COMMD10: variants seen among roughly 807,000 people sequenced by gnomAD.
COMMD10 encodes the protein COMM domain-containing protein 10.
COMMD10 carries 33 observed loss-of-function variants against 28.9 expected under a neutral mutation model. The observed-to-expected ratio is 1.14, with a 90% confidence interval of 0.87 to 1.53. The LOEUF (loss-of-function observed/expected upper bound fraction) is 1.53. Among genes scored for constraint, COMMD10 ranks in the 40% most tolerant of loss-of-function variants. The pLI is 0.00. For synonymous variants in COMMD10, 110 were observed against 81.7 expected (o/e 1.35, Z -1.87); for missense variants, 310 against 233.4 (o/e 1.33, Z -2.14).
chr5:116,242,985 T>C (rs373714089), intron 5 of COMMD10, among the ~76,000 whole-genome samples: 8 of 152,234 alleles, frequency 5.3e-5, no homozygotes, highest in African/African-American at 1.7e-4. Flanking sequence ...TTTTCAATGC[T>C]AATTAAAATG....
At chr5:116,227,750 T>G (rs953287758) in intron 5 of COMMD10, among the ~76,000 whole-genome samples, 2 of 152,054 alleles carry the variant, frequency 1.3e-5, no homozygotes, top group Non-Finnish European at 2.9e-5. Flanking sequence ...GTTTCTCAGC[T>G]TAGAAGCAAG....
At chr5:116,198,376 T>A (rs2112620501) in intron 5 of COMMD10, among the ~76,000 whole-genome samples, 1 of 152,310 alleles carries the variant, frequency 6.6e-6, no homozygotes, top group South Asian at 2.1e-4. Flanking sequence ...ACTTTATTTT[T>A]CAGAGCAGTG....
At chr5:116,110,428 G>A (rs565057279) in intron 4 of COMMD10, among the ~76,000 whole-genome samples, 14 of 152,158 alleles carry the variant, frequency 9.2e-5, no homozygotes, top group Non-Finnish European at 1.8e-4. Flanking sequence ...TTTTGGAACA[G>A]TTTTACAAGA....
chr5:116,292,587 C>A lies in COMMD10; in HGVS notation c.*98C>A. Reference sequence around the variant, plus strand: ...TTGTGTTTTCTGAAGGATTCAGTGACTTGCTTTCTGTAAATTATATGGCTT... The same window carrying A: ...TTGTGTTTTCTGAAGGATTCAGTGAATTGCTTTCTGTAAATTATATGGCTT... On this transcript the variant is annotated 3_prime_UTR_variant, in exon 7 of 7. Coordinates refer to ENST00000274458, the MANE Select transcript of COMMD10 (RefSeq NM_016144.4). 1.0e-6 allele frequency: 1 copy of A among 978,408 alleles called. No homozygotes were observed. The highest frequency in any genetic ancestry group is 1.5e-6 in the Non-Finnish European group (1 of 654,236). 60.6% of individuals were successfully genotyped at this position (978,408 alleles called of 1,614,324 possible).
chr5:116,129,313 TTTTC>T (rs1220075419), intron 4 of COMMD10, among the ~76,000 whole-genome samples: 2 of 148,158 alleles, frequency 1.3e-5, no homozygotes, highest in Non-Finnish European at 3.0e-5. Context: ...GGGTTGTTAG[TTTTC>T]TTTGTCTTCT....
chr5:116,125,772 C>A (rs541873641), intron 4 of COMMD10, among the ~76,000 whole-genome samples: 1 of 151,950 alleles, frequency 6.6e-6, no homozygotes, highest in Non-Finnish European at 1.5e-5. Context: ...TTTCTCTAAA[C>A]TTCTCGCTTC....
chr5:116,088,307 A>T (rs982686722), intron 2 of COMMD10, among the ~76,000 whole-genome samples: 7 of 152,210 alleles, frequency 4.6e-5, no homozygotes, highest in African/African-American at 1.7e-4. Flanking sequence ...GTGTCTTTCA[A>T]ATCCAAGTTC....
At chr5:116,145,896 A>G (rs531951588) in intron 5 of COMMD10, among the ~76,000 whole-genome samples, 1 of 152,076 alleles carries the variant, frequency 6.6e-6, no homozygotes, top group African/African-American at 2.4e-5. Context: ...CTTCCCAGCC[A>G]TGCTGAACTA....
At position 116,276,035 on chromosome 5, in the gene COMMD10, G is replaced by T. The variant is rs190890879; in HGVS notation, c.511-15482G>T. On this transcript the variant is annotated intron_variant, in intron 5 of 6. Transcript: ENST00000274458. The stretch of plus-strand genomic sequence containing the variant: ...TGGAAGCCTTCATTGTAAAATGATC[G>T]TAAGTACTAACACAGGTATTCTTAC... Among the ~76,000 whole-genome samples the T allele has an allele frequency of 4.0e-5, 6 of 150,912 alleles. No homozygotes were observed. The South Asian group carries it at 1.0e-3, about 26-fold the overall frequency.
In COMMD10 at chr5:116,208,752, C is replaced by T. The variant is rs572498678; in HGVS notation, c.510+74574C>T. Among the ~76,000 whole-genome samples, 3 of 152,250 alleles carry T rather than the reference C, an allele frequency of 2.0e-5. No homozygotes were observed. In the East Asian group the frequency reaches 5.8e-4, roughly 29 times the overall value. On this transcript the variant is annotated intron_variant, in intron 5 of 6. Coordinates refer to ENST00000274458, the MANE Select transcript of COMMD10 (RefSeq NM_016144.4). ...AGCTTTCTCTGTGATTGAGAACAAA[C>T]AGGGAAGTCTGAACGGTTCCCTGTT...
chr5:116,211,519 G>C (rs1017712734), intron 5 of COMMD10, among the ~76,000 whole-genome samples: 1 of 151,996 alleles, frequency 6.6e-6, no homozygotes, highest in Non-Finnish European at 1.5e-5. Flanking sequence ...TTAATCTTAT[G>C]GGGCCACCAT....
intron 5 of COMMD10, among the ~76,000 whole-genome samples, chr5:116,159,067 T>G (rs550581184): frequency 7.9e-5 from 12 of 152,328 alleles, no homozygotes; most frequent in African/African-American, 2.9e-4. Context: ...GTCTCTCTGC[T>G]TCCACCTTTG....
chr5:116,202,941 T>G (rs1748708685), intron 5 of COMMD10, among the ~76,000 whole-genome samples: 2 of 152,122 alleles, frequency 1.3e-5, no homozygotes, highest in Admixed American at 1.3e-4. Flanking sequence ...TTTTGGTGTT[T>G]TAGACATGAA....
At chr5:116,165,616 G>C (rs1254797835) in intron 5 of COMMD10, among the ~76,000 whole-genome samples, 1 of 151,738 alleles carries the variant, frequency 6.6e-6, no homozygotes, top group Non-Finnish European at 1.5e-5. Context: ...GGGTGTATCT[G>C]TGTGTGTGTT....
chr5:116,205,572 G>A (rs1043998556), intron 5 of COMMD10, among the ~76,000 whole-genome samples: 4 of 152,022 alleles, frequency 2.6e-5, no homozygotes, highest in African/African-American at 7.2e-5. Flanking sequence ...ATACATGTGT[G>A]AATACATATA....
chr5:116,261,705 A>G (rs139871073), intron 5 of COMMD10, among the ~76,000 whole-genome samples: 106 of 151,716 alleles, frequency 7.0e-4, no homozygotes, highest in African/African-American at 2.5e-3. Context: ...ATTCCTATCA[A>G]CAACCAGAAT....
intron 5 of COMMD10, among the ~76,000 whole-genome samples, chr5:116,225,741 C>T (rs1749378685): frequency 6.6e-6 from 1 of 152,044 alleles, no homozygotes; most frequent in African/African-American, 2.4e-5. Flanking sequence ...CATCTTTCTA[C>T]CACTCAAGCT....
chr5:116,170,391 G>A (rs537534171), intron 5 of COMMD10, among the ~76,000 whole-genome samples: 27 of 152,208 alleles, frequency 1.8e-4, no homozygotes, highest in Middle Eastern at 3.4e-3. Flanking sequence ...AATCAATATC[G>A]TGAAAATGAA....
chr5:116,219,197 C>T (rs892026081), intron 5 of COMMD10, among the ~76,000 whole-genome samples: 2 of 151,146 alleles, frequency 1.3e-5, no homozygotes, highest in Non-Finnish European at 1.5e-5. Flanking sequence ...TGTTGAAAAT[C>T]TGGAGGCTAT....
Sources: allele counts gnomAD v4.1 joint callset (sites outside exome capture counted in the v4.1 genomes callset), GRCh38; gene constraint gnomAD v4.1.1; transcripts MANE v1.5; gene names NCBI Gene and HGNC (gene_info 2026-07-23, HGNC 2026-07-21).